Variants in TNRC6C observed in about 807,000 individuals in gnomAD.
The protein encoded by TNRC6C is trinucleotide repeat-containing gene 6C protein.
A neutral mutation model predicts 153.7 loss-of-function variants in TNRC6C; 20 were observed. That is an observed-to-expected ratio of 0.13 (90% CI 0.09 to 0.19). TNRC6C has a LOEUF of 0.19. Ranked by LOEUF, TNRC6C falls within the 10% of genes least tolerant of loss-of-function variation. TNRC6C has a pLI of 1.00. For synonymous variants in TNRC6C, 811 were observed against 841.4 expected (o/e 0.96, Z 0.63); for missense variants, 1,987 against 2,172.0 (o/e 0.91, Z 1.69).
At chr17:77,969,206 A>T (rs1348174579) in intron 1 of TNRC6C, among the ~76,000 whole-genome samples, 8 of 152,180 alleles carry the variant, frequency 5.3e-5, no homozygotes, top group African/African-American at 1.2e-4. Flanking sequence ...GCTCTATTGC[A>T]CTACCTCATT....
intron 1 of TNRC6C, among the ~76,000 whole-genome samples, chr17:78,026,783 A>G (rs1014057838): frequency 2.6e-5 from 4 of 152,126 alleles, no homozygotes; most frequent in African/African-American, 9.7e-5. Flanking sequence ...GATGGATTAG[A>G]GAGAGTCTCT....
intron 10 of TNRC6C, among the ~76,000 whole-genome samples, chr17:78,081,596 A>C (rs902229438): frequency 1.3e-5 from 2 of 152,194 alleles, no homozygotes; most frequent in African/African-American, 4.8e-5. Context: ...GTGCAGAAAG[A>C]AGCAGTGCAG....
intron 3 of TNRC6C, 87 bp from the exon 6 acceptor site, chr17:78,064,635 T>C: frequency 7.8e-7 from 1 of 1,287,082 alleles, no homozygotes; most frequent in Non-Finnish European, 1.1e-6. Flanking sequence ...TATCTTGAAA[T>C]TATTTTGAAA....
At chr17:78,064,082 C>T (rs902433683) in intron 3 of TNRC6C, among the ~76,000 whole-genome samples, 95 of 152,186 alleles carry the variant, frequency 6.2e-4, no homozygotes, top group African/African-American at 2.1e-3. Context: ...CTTGCTCTGT[C>T]GCCCAGGCTA....
chr17:77,957,669 C>T (rs1353683068), upstream of TNRC6C, among the ~76,000 whole-genome samples: 4 of 152,374 alleles, frequency 2.6e-5, no homozygotes, highest in Non-Finnish European at 5.9e-5. Flanking sequence ...AAAAGCTAGC[C>T]TGCTTCTGCG....
intron 2 of TNRC6C, among the ~76,000 whole-genome samples, chr17:78,046,539 G>GT (rs2072414674): frequency 1.3e-5 from 2 of 152,102 alleles, no homozygotes; most frequent in South Asian, 2.1e-4. Context: ...CCTGTGGCTT[G>GT]TTTTTTTAGC....
intron 11 of TNRC6C, among the ~76,000 whole-genome samples, chr17:78,085,113 G>T (rs1198873802): frequency 6.6e-6 from 1 of 152,178 alleles, no homozygotes; most frequent in African/African-American, 2.4e-5. Flanking sequence ...CAGGTTTAGA[G>T]CTGTTACTGT....
At chr17:78,004,020 G>C, upstream of TNRC6C, 1 of 1,030,778 alleles carries the variant, frequency 9.7e-7, no homozygotes, top group Non-Finnish European at 1.2e-6. Context: ...AGTGCTGTTA[G>C]GGAAGTGTCC....
intron 3 of TNRC6C, among the ~76,000 whole-genome samples, chr17:78,056,740 C>T (rs1183890818): frequency 6.6e-6 from 1 of 151,938 alleles, no homozygotes; most frequent in Admixed American, 6.6e-5. Context: ...GCTGGAATTA[C>T]AGGCGTGAGC....
exon 3 of TNRC6C, chr17:78,048,847 C>G: frequency 8.1e-7 from 1 of 1,234,026 alleles, no homozygotes; most frequent in Non-Finnish European, 1.0e-6. Flanking sequence ...TTTTTCAGAT[C>G]TCAGTCATAG....
In TNRC6C at chr17:77,998,658, TTTTA is replaced by T. The variant is rs1197261766; in HGVS notation, c.-37-5508_-37-5505del. 3.3e-5 allele frequency among the ~76,000 whole-genome samples: 5 copies of T among 152,238 alleles called. No homozygotes were observed. The South Asian group carries it at 6.2e-4, about 19-fold the overall frequency. ...ATGGTTTAGTTTTTTAGTTCTAAAC[TTTTA>T]TTTGTTTACTCAAGTGTATTTTTAT... On this transcript the variant is annotated intron_variant, in intron 1 of 22. Coordinates refer to the TNRC6C transcript ENST00000636222.
chr17:77,960,409 T>C (rs2070851975), intron 1 of TNRC6C, among the ~76,000 whole-genome samples: 1 of 152,232 alleles, frequency 6.6e-6, no homozygotes, highest in Admixed American at 6.5e-5. Context: ...TTTATGGTGA[T>C]CGCTGTGAGA....
At chr17:78,002,697 A>G (rs1405631258), upstream of TNRC6C, among the ~76,000 whole-genome samples, 1 of 152,164 alleles carries the variant, frequency 6.6e-6, no homozygotes, top group Non-Finnish European at 1.5e-5. Context: ...GTTCGAGACT[A>G]GCCTGGACAA....
At chr17:78,020,116 G>A (rs931695179) in intron 1 of TNRC6C, among the ~76,000 whole-genome samples, 9 of 152,178 alleles carry the variant, frequency 5.9e-5, no homozygotes, top group African/African-American at 2.2e-4. Flanking sequence ...GAGACCCAGA[G>A]GTGTACAGCT....
chr17:78,064,885 G>A, exon 4 of TNRC6C: 1 of 1,611,908 alleles, frequency 6.2e-7, no homozygotes, highest in Non-Finnish European at 8.5e-7. Flanking sequence ...AGCCGCCGGT[G>A]GCATTTGGAA....
chr17:78,050,477 A>G (rs2072502480), exon 3 of TNRC6C: 3 of 1,613,888 alleles, frequency 1.9e-6, no homozygotes, highest in Non-Finnish European at 2.5e-6. Context: ...GAAAGGAAAA[A>G]TGACAATGGG....
At chr17:77,965,866 A>G (rs372976350) in intron 1 of TNRC6C, among the ~76,000 whole-genome samples, 7 of 152,312 alleles carry the variant, frequency 4.6e-5, no homozygotes, top group African/African-American at 1.7e-4. Flanking sequence ...GTTTACCTTT[A>G]TTGGCCCAGT....
intron 1 of TNRC6C, among the ~76,000 whole-genome samples, chr17:77,978,780 A>C (rs1220301620): frequency 6.6e-6 from 1 of 151,788 alleles, no homozygotes; most frequent in Non-Finnish European, 1.5e-5. Context: ...CCCCCTAAAA[A>C]CCCCAACTTT....
intron 1 of TNRC6C, among the ~76,000 whole-genome samples, chr17:78,025,040 C>T (rs1036876129): frequency 6.6e-6 from 1 of 150,964 alleles, no homozygotes; most frequent in Non-Finnish European, 1.5e-5. Flanking sequence ...ATCCACCCAC[C>T]GCAGCCTCCC....
Sources: allele counts gnomAD v4.1 joint callset (sites outside exome capture counted in the v4.1 genomes callset), GRCh38; gene constraint gnomAD v4.1.1; transcripts MANE v1.5; gene names NCBI Gene and HGNC (gene_info 2026-07-23, HGNC 2026-07-21).